NEO1: variants seen among roughly 807,000 people sequenced by gnomAD.
The protein encoded by NEO1 is neogenin 1.
In NEO1, 63 loss-of-function variants were observed where a neutral mutation model predicts 159.7. The ratio of observed to expected loss-of-function variants is 0.39; its 90% CI spans 0.32 to 0.49. The LOEUF (loss-of-function observed/expected upper bound fraction) is 0.49, where lower values mean the gene tolerates loss of function less well. NEO1 is among the 20% of genes least tolerant of loss of function. The pLI is 0.85. For synonymous variants in NEO1, 633 were observed against 662.0 expected (o/e 0.96, Z 0.67); for missense variants, 1,615 against 1,831.0 (o/e 0.88, Z 2.15).
intron 8 of NEO1, among the ~76,000 whole-genome samples, chr15:73,241,876 A>C (rs771401298): frequency 2.4e-4 from 37 of 152,198 alleles, no homozygotes; most frequent in Non-Finnish European, 4.6e-4. Context: ...TGTGGGTATT[A>C]GTAACCTTCA....
chr15:73,268,326 A>G (rs1178188809), intron 16 of NEO1, among the ~76,000 whole-genome samples: 2 of 152,246 alleles, frequency 1.3e-5, no homozygotes, highest in African/African-American at 4.8e-5. Flanking sequence ...GCTTAAAAAT[A>G]TAGCCTACTA....
chr15:73,107,940 G>A (rs1362569674), intron 1 of NEO1, among the ~76,000 whole-genome samples: 1 of 152,160 alleles, frequency 6.6e-6, no homozygotes, highest in Admixed American at 6.6e-5. Flanking sequence ...CCAGCACTTT[G>A]GGAGGCTAAG....
At chr15:73,163,387 ACC>A (rs909919496) in intron 5 of NEO1, among the ~76,000 whole-genome samples, 3 of 151,470 alleles carry the variant, frequency 2.0e-5, no homozygotes, top group African/African-American at 7.3e-5. Context: ...CCCCATTCCC[ACC>A]CCTTTCCTCA....
At chr15:73,079,015 A>C (rs776073240) in intron 1 of NEO1, among the ~76,000 whole-genome samples, 1 of 152,178 alleles carries the variant, frequency 6.6e-6, no homozygotes, top group Non-Finnish European at 1.5e-5. Flanking sequence ...TAAGTGCATT[A>C]TCTCTTATAC....
intron 26 of NEO1, among the ~76,000 whole-genome samples, chr15:73,296,363 C>T (rs2151165763): frequency 6.6e-6 from 1 of 152,292 alleles, no homozygotes; most frequent in South Asian, 2.1e-4. Flanking sequence ...AGCTCCCCCG[C>T]CGTGGGGATG....
At chr15:73,208,760 G>A (rs916980265) in intron 7 of NEO1, among the ~76,000 whole-genome samples, 2 of 152,152 alleles carry the variant, frequency 1.3e-5, no homozygotes, top group Non-Finnish European at 2.9e-5. Flanking sequence ...TGCTCAGGAG[G>A]CTGAGGTGGG....
At position 73,266,330 on chromosome 15, in the gene NEO1, T is replaced by C; in HGVS notation, c.2413T>C (p.Tyr805His). The C allele has an allele frequency of 6.2e-7, 1 of 1,611,398 alleles. No homozygotes were observed. The highest frequency in any genetic ancestry group is 8.5e-7 in the Non-Finnish European group (1 of 1,178,608). Reference protein sequence around the residue: ...TIENLDPSSHYVITLKAFNNV... With the variant: ...TIENLDPSSHHVITLKAFNNV... ...TTTTTTTTCAGATCCCAGCTCTCACTATGTGATTACCCTGAAAGCATTTAA... is the reference window on the plus strand; with the variant it reads ...TTTTTTTTCAGATCCCAGCTCTCACCATGTGATTACCCTGAAAGCATTTAA... The change falls in exon 16 of 29, where the codon TAT becomes CAT. Residue 805 changes from tyrosine to histidine, a missense_variant. This residue lies in a region of NEO1 where 1,018 missense variants were observed against 1,115.4 expected (regional missense o/e 0.91). Transcript: ENST00000261908.
intron 1 of NEO1, among the ~76,000 whole-genome samples, chr15:73,104,301 C>T (rs2070561303): frequency 6.6e-6 from 1 of 152,096 alleles, no homozygotes; most frequent in East Asian, 1.9e-4. Context: ...CTTTCTGGAC[C>T]TAGTGTTCTG....
At chr15:73,110,623 C>G (rs1296247367) in intron 1 of NEO1, among the ~76,000 whole-genome samples, 2 of 152,094 alleles carry the variant, frequency 1.3e-5, no homozygotes, top group African/African-American at 2.4e-5. Flanking sequence ...GTGAAGTATT[C>G]TATCAGAATG....
In NEO1 at chr15:73,219,522, G is replaced by A. The variant is rs1286620033; in HGVS notation, c.1292-16825G>A. Among the ~76,000 whole-genome samples the A allele has an allele frequency of 4.4e-5, 6 of 137,796 alleles. No homozygotes were observed. The East Asian group carries it at 8.4e-4, about 19-fold the overall frequency. 90.4% of individuals were successfully genotyped at this position (137,796 alleles called of 152,430 possible). A position where few individuals can be genotyped will look rare whatever the true frequency, so the allele number is the denominator to read the frequency against. On this transcript the variant is annotated intron_variant, in intron 7 of 28. Transcript: ENST00000261908. ...TGATCTGTCTAATGTTGACAGTGGG[G>A]TGTTAAAGTCTCCCATTATTAATGT...
chr15:73,077,864 T>C (rs2068852162), intron 1 of NEO1, among the ~76,000 whole-genome samples: 2 of 152,172 alleles, frequency 1.3e-5, no homozygotes, highest in Admixed American at 1.3e-4. Flanking sequence ...CAGTGTAAGC[T>C]TTATGGGATG....
At position 73,253,447 on chromosome 15, in the gene NEO1, A is replaced by G. The variant is rs1320930973; in HGVS notation, c.1942A>G (p.Lys648Glu). 6 of 1,599,910 alleles carry G rather than the reference A, an allele frequency of 3.8e-6. No homozygotes were observed. Among genetic ancestry groups the G allele is most frequent in the Non-Finnish European group, 4.3e-6 (5 of 1,172,982 alleles). Residue 648 changes from lysine to glutamate, a missense_variant and splice_region_variant, in exon 12 of 29, where the codon AAG (lysine) becomes GAG (glutamate). Physicochemically the swap from Lys to Glu is moderately conservative, Grantham distance 56 (BLOSUM62 1). Around this residue, in one of 3 missense-constraint regions of NEO1, gnomAD observed 1,018 missense variants for 1,115.4 expected, o/e 0.91. Coordinates refer to ENST00000261908, the MANE Select transcript of NEO1 (RefSeq NM_002499.4). Reference protein sequence around the residue: ...QNLSLEVRNSKSIMIHWQPPA... With the variant: ...QNLSLEVRNSESIMIHWQPPA... ...TCTGTCCTTGGAAGTGAGAAATTCA[A>G]AGGTAAAACTGTATGATGCTGCTGT...
At chr15:73,151,130 A>G (rs539468665) in intron 5 of NEO1, among the ~76,000 whole-genome samples, 1 of 152,210 alleles carries the variant, frequency 6.6e-6, no homozygotes, top group South Asian at 2.1e-4. Context: ...AGTCATTTTA[A>G]CTTTAGTCAT....
At chr15:73,278,023 A>G in intron 21 of NEO1, 108 bp from the exon 22 acceptor site, 1 of 887,282 alleles carries the variant, frequency 1.1e-6, no homozygotes, top group Non-Finnish European at 1.8e-6. Context: ...TCTCATGGAC[A>G]GAATAGACTA....
chr15:73,230,302 C>T (rs1226807742), intron 7 of NEO1, among the ~76,000 whole-genome samples: 15 of 152,048 alleles, frequency 9.9e-5, no homozygotes, highest in East Asian at 7.7e-4. Flanking sequence ...TTTCCCCTTC[C>T]TCTAATATGT....
intron 14 of NEO1, 175 bp downstream of exon 14, chr15:73,259,051 T>G: frequency 1.7e-6 from 1 of 577,052 alleles, no homozygotes; most frequent in Non-Finnish European, 3.1e-6. Context: ...TTTTTTGCAG[T>G]GCCTTGTAGA....
chr15:73,119,167 G>A (rs2151631483), intron 2 of NEO1, among the ~76,000 whole-genome samples: 1 of 152,268 alleles, frequency 6.6e-6, no homozygotes, highest in East Asian at 1.9e-4. Flanking sequence ...CCGGAATGAT[G>A]AAAAGGTTCT....
At chr15:73,193,421 A>G (rs1056816527) in intron 7 of NEO1, among the ~76,000 whole-genome samples, 3 of 151,948 alleles carry the variant, frequency 2.0e-5, no homozygotes, top group African/African-American at 7.3e-5. Context: ...TTGGTTTTCA[A>G]TTTCAAAATT....
intron 7 of NEO1, among the ~76,000 whole-genome samples, chr15:73,183,164 G>C (rs2035714757): frequency 6.6e-6 from 1 of 152,130 alleles, no homozygotes; most frequent in Non-Finnish European, 1.5e-5. Flanking sequence ...AGCCATCTCT[G>C]TGGTGTAGGG....
Sources: allele counts gnomAD v4.1 joint callset (sites outside exome capture counted in the v4.1 genomes callset), GRCh38; gene constraint gnomAD v4.1.1; regional missense constraint gnomAD v4.1.1; transcripts MANE v1.5; gene names NCBI Gene and HGNC (gene_info 2026-07-23, HGNC 2026-07-21).